The following PTPRM variants were observed in gnomAD, a reference collection of about 807,000 sequenced individuals.
The protein encoded by PTPRM is protein tyrosine phosphatase receptor type M, also known as receptor-type tyrosine-protein phosphatase mu.
A neutral mutation model predicts 186.7 loss-of-function variants in PTPRM; 47 were observed. That is an observed-to-expected ratio of 0.25 (90% CI 0.20 to 0.32). The LOEUF (loss-of-function observed/expected upper bound fraction) is 0.32. Among genes scored for constraint, PTPRM ranks in the 10% least tolerant of loss-of-function variants. The probability of loss-of-function intolerance (pLI) is 1.00; values close to 1 mark genes in which losing one functional copy is unlikely to be tolerated. For missense variants in PTPRM, 1,494 were observed against 1,865.0 expected, an observed-to-expected ratio of 0.80 and a Z score of 3.66; for synonymous variants, 668 against 674.9, an observed-to-expected ratio of 0.99 and a Z score of 0.16.
chr18:8,266,528 A>G (rs934294218), intron 19 of PTPRM, among the ~76,000 whole-genome samples: 3 of 152,222 alleles, frequency 2.0e-5, no homozygotes, highest in Admixed American at 1.3e-4. Flanking sequence ...TTGACCAGTC[A>G]TGTCACGGAA....
intron 14 of PTPRM, among the ~76,000 whole-genome samples, chr18:8,240,651 GAGAAAGAA>G (rs761192602): frequency 0.19 from 6,415 of 33,478 alleles, 511 homozygotes; most frequent in Non-Finnish European, 0.25. Context: ...GAGAGAGAGA[GAGAAAGAA>G]AGAAAGAAAG....
chr18:8,103,077 T>G (rs1207100201), intron 11 of PTPRM, among the ~76,000 whole-genome samples: 1 of 152,230 alleles, frequency 6.6e-6, no homozygotes, highest in East Asian at 1.9e-4. Context: ...AAATATTCAG[T>G]AAACCATACT....
At chr18:7,662,063 G>A (rs114552181) in intron 1 of PTPRM, among the ~76,000 whole-genome samples, 129 of 152,100 alleles carry the variant, frequency 8.5e-4, no homozygotes, top group African/African-American at 3.0e-3. Flanking sequence ...GACCACAGGC[G>A]GGTGCCACCG....
intron 7 of PTPRM, among the ~76,000 whole-genome samples, chr18:8,069,203 C>T (rs1215298452): frequency 6.6e-6 from 1 of 150,852 alleles, no homozygotes; most frequent in African/African-American, 2.4e-5. Context: ...TTAATTTTTC[C>T]TAATGACAAG....
At chr18:8,051,951 T>C (rs2087531650) in intron 7 of PTPRM, among the ~76,000 whole-genome samples, 1 of 152,210 alleles carries the variant, frequency 6.6e-6, no homozygotes, top group Admixed American at 6.5e-5. Flanking sequence ...GTTTCTTTTC[T>C]ATTCTCTTTC....
At chr18:8,231,377 C>T (rs78824479) in intron 14 of PTPRM, among the ~76,000 whole-genome samples, 1,917 of 152,186 alleles carry the variant, frequency 0.013, 35 homozygotes, top group African/African-American at 0.044. Flanking sequence ...AGTTTCAGAG[C>T]GGGAAACTGG....
At chr18:7,831,526 T>G (rs1471028907) in intron 2 of PTPRM, among the ~76,000 whole-genome samples, 1 of 152,164 alleles carries the variant, frequency 6.6e-6, no homozygotes, top group Non-Finnish European at 1.5e-5. Flanking sequence ...ATTTAAGGAG[T>G]GCATGAGGTG....
intron 7 of PTPRM, among the ~76,000 whole-genome samples, chr18:8,005,633 CA>C (rs1279050244): frequency 6.6e-6 from 1 of 152,168 alleles, no homozygotes; most frequent in Admixed American, 6.5e-5. Context: ...CCACCTCCAG[CA>C]GTATTTTTCT....
chr18:7,609,593 A>G (rs1257877272), intron 1 of PTPRM, among the ~76,000 whole-genome samples: 1 of 149,106 alleles, frequency 6.7e-6, no homozygotes, highest in Non-Finnish European at 1.5e-5. Flanking sequence ...TTAAGAAGAT[A>G]TTTACTGTCC....
At chr18:7,666,067 A>ATT (rs1352446461) in intron 1 of PTPRM, among the ~76,000 whole-genome samples, 21 of 152,358 alleles carry the variant, frequency 1.4e-4, no homozygotes, top group Admixed American at 1.1e-3. Context: ...ATCATAAAAT[A>ATT]TTTTAAAGAC....
In PTPRM at chr18:7,926,702, A is replaced by G. The variant is rs368610182; in HGVS notation, c.663+19A>G. On this transcript the variant is annotated intron_variant, in intron 5 of 32. Transcript: ENST00000580170. The stretch of plus-strand genomic sequence containing the variant: ...GTTACAGGTACAGTAACTCATTTTC[A>G]TCAGTTGATGAGAGTCCAGCGGGAA... The G allele has an allele frequency of 8.8e-6, 14 of 1,590,348 alleles. No individual in the cohort carries two copies. Among genetic ancestry groups the G allele is most frequent in the Admixed American group, 3.5e-5 (2 of 57,398 alleles).
chr18:7,691,616 A>C lies in PTPRM; in HGVS notation c.74-82533A>C, dbSNP rs144285551. Among the ~76,000 whole-genome samples the C allele has an allele frequency of 1.8e-4, 27 of 152,292 alleles. No individual in the cohort carries two copies. The East Asian group carries it at 4.1e-3, about 23-fold the overall frequency. On this transcript the variant is annotated intron_variant, in intron 1 of 32. Transcript: ENST00000580170. The stretch of plus-strand genomic sequence containing the variant: ...GGATATTAAATAACTTTAAGAAGTC[A>C]GAGCGTGAGGCTAGGCACCATAGTT...
chr18:7,742,204 TAC>T (rs1372495181), intron 1 of PTPRM, among the ~76,000 whole-genome samples: 1 of 152,348 alleles, frequency 6.6e-6, no homozygotes, highest in African/African-American at 2.4e-5. Context: ...AGGCATTATA[TAC>T]AGTTAAAGTC....
At chr18:8,392,155 A>G (rs1369030838) in intron 31 of PTPRM, among the ~76,000 whole-genome samples, 5 of 152,312 alleles carry the variant, frequency 3.3e-5, no homozygotes, top group Admixed American at 6.5e-5. Flanking sequence ...CTTTGCCTAG[A>G]TGTGGATTTT....
chr18:8,253,287 A>G lies in PTPRM; in HGVS notation c.2627A>G (p.Lys876Arg). 6.3e-7 allele frequency: 1 copy of G among 1,595,554 alleles called. No homozygotes were observed. The highest frequency in any genetic ancestry group is 8.5e-7 in the Non-Finnish European group (1 of 1,171,032). The change falls in exon 19 of 33, where the codon AAG becomes AGG. Residue 876 changes from lysine to arginine, a missense_variant. Physicochemically the swap from Lys to Arg is conservative, Grantham distance 26. Coordinates refer to ENST00000580170, the MANE Select transcript of PTPRM (RefSeq NM_001105244.2). ...SSLVQSHTYK[K>R]REPADVPYQT... is the part of the protein sequence containing the mutation. ...CTGGTGCAGTCCCATACTTACAAGA[A>G]GCGAGAGCCGGCCGACGTGCCCTAT...
intron 2 of PTPRM, among the ~76,000 whole-genome samples, chr18:7,848,159 G>A (rs1488984857): frequency 6.6e-6 from 1 of 152,182 alleles, no homozygotes; most frequent in East Asian, 1.9e-4. Context: ...ACCAGACTGT[G>A]TATCCTTGCT....
intron 1 of PTPRM, among the ~76,000 whole-genome samples, chr18:7,739,537 G>A (rs2144492813): frequency 6.6e-6 from 1 of 152,278 alleles, no homozygotes; most frequent in East Asian, 1.9e-4. Context: ...TGCAAAAACT[G>A]CGATTACTTT....
At position 8,197,548 on chromosome 18, in the gene PTPRM, G is replaced by A. The variant is rs116839688; in HGVS notation, c.2301-46510G>A. Among the ~76,000 whole-genome samples the A allele has an allele frequency of 2.9e-3, 442 of 152,280 alleles. 1 individual carries two copies. The highest frequency in any genetic ancestry group is 9.9e-3 in the African/African-American group (411 of 41,570). On this transcript the variant is annotated intron_variant, in intron 14 of 32. Transcript: ENST00000580170. ...GAATTAAGAAGTTGCTTAGGAGTAG[G>A]CTTTTCTGTTTATTGGGAGTCGGTA...
intron 1 of PTPRM, among the ~76,000 whole-genome samples, chr18:7,596,213 G>A (rs1048748557): frequency 6.5e-4 from 99 of 152,228 alleles, no homozygotes; most frequent in African/African-American, 2.0e-3. Flanking sequence ...ACCAGAGAAC[G>A]GAGTCAGCTA....
Sources: gnomAD v4.1 joint callset for allele counts (sites outside exome capture counted in the v4.1 genomes callset) on GRCh38, gnomAD v4.1.1 for gene constraint, MANE v1.5 for transcripts, NCBI Gene and HGNC (gene_info 2026-07-23, HGNC 2026-07-21) for gene names.